Variants in HDAC9 observed in about 807,000 individuals in gnomAD.
HDAC9 encodes the protein histone deacetylase 9.
HDAC9 carries 41 observed loss-of-function variants against 139.4 expected under a neutral mutation model. That is an observed-to-expected ratio of 0.29 (90% CI 0.23 to 0.38). HDAC9 has a LOEUF of 0.38. Ranked by LOEUF, HDAC9 falls within the 10% of genes least tolerant of loss-of-function variation. The pLI is 1.00. For missense variants in HDAC9, 1,147 were observed against 1,297.0 expected (o/e 0.88, Z 1.78); for synonymous variants, 517 against 476.2 (o/e 1.09, Z -1.12).
At chr7:18,766,098 A>G (rs1345219246) in intron 15 of HDAC9, among the ~76,000 whole-genome samples, 2 of 152,328 alleles carry the variant, frequency 1.3e-5, no homozygotes, top group East Asian at 3.9e-4. Context: ...CCTGTTTTCA[A>G]TTTTAATTTC....
At chr7:18,265,327 A>G (rs1380801249) in intron 2 of HDAC9, among the ~76,000 whole-genome samples, 1 of 152,176 alleles carries the variant, frequency 6.6e-6, no homozygotes, top group Non-Finnish European at 1.5e-5. Flanking sequence ...ATATTGCTGG[A>G]AGCACTATCT....
chr7:18,610,485 G>A (rs1223434659), intron 6 of HDAC9, among the ~76,000 whole-genome samples: 1 of 152,120 alleles, frequency 6.6e-6, no homozygotes, highest in Non-Finnish European at 1.5e-5. Context: ...CGGTCATTCT[G>A]ATAAATTCCC....
intron 2 of HDAC9, among the ~76,000 whole-genome samples, chr7:18,560,117 A>T (rs1563279368): frequency 6.6e-6 from 1 of 152,124 alleles, no homozygotes; most frequent in Admixed American, 6.6e-5. Flanking sequence ...TATTTCAAAC[A>T]TTTCTGGAGA....
At chr7:18,704,489 C>T (rs1783735521) in intron 12 of HDAC9, among the ~76,000 whole-genome samples, 1 of 152,212 alleles carries the variant, frequency 6.6e-6, no homozygotes, top group South Asian at 2.1e-4. Context: ...TGTTTGGAAT[C>T]TCCTTAAGTG....
chr7:18,762,410 A>G (rs1347690883), intron 15 of HDAC9, 133 bp downstream of exon 15: 4 of 909,596 alleles, frequency 4.4e-6, no homozygotes, highest in South Asian at 2.0e-5. Flanking sequence ...TGCTCTGTGG[A>G]GTGAGTCATT....
intron 11 of HDAC9, among the ~76,000 whole-genome samples, chr7:18,652,740 C>G (rs1038825967): frequency 6.6e-6 from 1 of 151,778 alleles, no homozygotes; most frequent in Non-Finnish European, 1.5e-5. Context: ...ATATTCATTC[C>G]ATTAAATCCA....
At chr7:18,108,536 T>C (rs1395910304) in intron 1 of HDAC9, among the ~76,000 whole-genome samples, 1 of 152,140 alleles carries the variant, frequency 6.6e-6, no homozygotes, top group African/African-American at 2.4e-5. Context: ...TTTTCTTTCT[T>C]TCAAAATGGA....
chr7:18,735,191 G>A (rs1786769404), intron 13 of HDAC9, among the ~76,000 whole-genome samples: 1 of 152,176 alleles, frequency 6.6e-6, no homozygotes, highest in Non-Finnish European at 1.5e-5. Flanking sequence ...TAGGTTGCCT[G>A]TTCACTCTGA....
At chr7:18,837,865 T>C (rs1283547022) in intron 21 of HDAC9, among the ~76,000 whole-genome samples, 2 of 152,070 alleles carry the variant, frequency 1.3e-5, no homozygotes, top group South Asian at 2.1e-4. Context: ...CTGAATGGGG[T>C]TGACGATTCT....
rs563842672 is a variant in HDAC9, at chr7:18,561,523, TC to T, written c.23-23757del. Among the ~76,000 whole-genome samples the T allele has an allele frequency of 2.1e-3, 313 of 152,306 alleles. 2 individuals are homozygous for T. The highest frequency in any genetic ancestry group is 6.8e-3 in the African/African-American group (283 of 41,574). ...GTCTATTCACATGGTTGTGCAACCA[TC>T]ACCACAATCTAACATAGAATACTTT... On this transcript the variant is annotated intron_variant, in intron 2 of 25. Coordinates refer to ENST00000686413, the MANE Select transcript of HDAC9 (RefSeq NM_178425.4).
intron 25 of HDAC9, among the ~76,000 whole-genome samples, chr7:18,978,604 A>G (rs1309666656): frequency 6.6e-6 from 1 of 152,198 alleles, no homozygotes; most frequent in Non-Finnish European, 1.5e-5. Context: ...ACAACACAAA[A>G]AATCTTGAAG....
intron 2 of HDAC9, among the ~76,000 whole-genome samples, chr7:18,519,396 A>G (rs1049544937): frequency 5.3e-5 from 8 of 152,226 alleles, no homozygotes; most frequent in African/African-American, 1.7e-4. Flanking sequence ...TCTATAAAGC[A>G]GAAATATAAA....
At chr7:18,604,225 A>AT (rs1357526657) in intron 6 of HDAC9, among the ~76,000 whole-genome samples, 2 of 151,486 alleles carry the variant, frequency 1.3e-5, no homozygotes, top group Non-Finnish European at 2.9e-5. Context: ...CTTTCTTGTT[A>AT]TTTTGCTATT....
chr7:18,781,921 T>C (rs548891291), intron 16 of HDAC9, among the ~76,000 whole-genome samples: 138 of 152,240 alleles, frequency 9.1e-4, no homozygotes, highest in Non-Finnish European at 1.7e-3. Flanking sequence ...ACACTTTACC[T>C]GACACAGTGC....
intron 1 of HDAC9, among the ~76,000 whole-genome samples, chr7:18,157,275 G>A (rs765369346): frequency 5.3e-5 from 8 of 152,088 alleles, no homozygotes; most frequent in Admixed American, 2.0e-4. Flanking sequence ...CCTGTGCCTC[G>A]GTAGTAGCTA....
At chr7:18,720,909 G>A (rs779134234) in intron 12 of HDAC9, among the ~76,000 whole-genome samples, 3 of 151,812 alleles carry the variant, frequency 2.0e-5, no homozygotes, top group Non-Finnish European at 4.4e-5. Flanking sequence ...TTGAACTCCT[G>A]GGCTCAAGCA....
intron 1 of HDAC9, among the ~76,000 whole-genome samples, chr7:18,303,824 C>T (rs1217802877): frequency 6.6e-6 from 1 of 152,220 alleles, no homozygotes. Context: ...CTTCCCCGTT[C>T]TGCTGGCTGG....
intron 1 of HDAC9, among the ~76,000 whole-genome samples, chr7:18,349,705 A>C (rs1185297064): frequency 6.6e-6 from 1 of 151,748 alleles, no homozygotes; most frequent in Non-Finnish European, 1.5e-5. Flanking sequence ...AAAGTTCCTG[A>C]CAAAAAAAAA....
chr7:18,094,020 G>A (rs1196643719), intron 1 of HDAC9, among the ~76,000 whole-genome samples: 1 of 152,132 alleles, frequency 6.6e-6, no homozygotes. Flanking sequence ...GTATGAGGAA[G>A]CCTTTAAGAT....
Sources: allele counts gnomAD v4.1 joint callset (sites outside exome capture counted in the v4.1 genomes callset), GRCh38; gene constraint gnomAD v4.1.1; transcripts MANE v1.5; gene names NCBI Gene and HGNC (gene_info 2026-07-23, HGNC 2026-07-21).